The following RB1CC1 variants were observed in gnomAD, a reference collection of about 807,000 sequenced individuals.
The protein encoded by RB1CC1 is RB1-inducible coiled-coil protein 1.
A neutral mutation model predicts 177.5 loss-of-function variants in RB1CC1; 46 were observed. The observed-to-expected ratio is 0.26, with a 90% CI of 0.20 to 0.33. The LOEUF is 0.33. Among genes scored for constraint, RB1CC1 ranks in the 10% least tolerant of loss-of-function variants. RB1CC1 has a pLI of 1.00. For synonymous variants in RB1CC1, 666 were observed against 613.6 expected (o/e 1.09, Z -1.26); for missense variants, 1,703 against 1,816.3 (o/e 0.94, Z 1.13).
In RB1CC1 at chr8:52,658,900, CA is replaced by C; in HGVS notation, c.1765del (p.Cys589ValfsTer31). On this transcript the variant is annotated frameshift_variant, in exon 13 of 24. Transcript: ENST00000025008. LOFTEE classifies it high-confidence loss of function. ...LKDLQFLQSF[C>X]PSEVQPFLRV... ...GAGGAATGGCTGAACTTCCGAAGGACAAAATGATTGCAGAAACTGTAAATCT... is the reference window on the plus strand; with the variant it reads ...GAGGAATGGCTGAACTTCCGAAGGACAAATGATTGCAGAAACTGTAAATCT... The C allele has an allele frequency of 6.3e-7, 1 of 1,584,532 alleles. No homozygotes were observed. Among genetic ancestry groups the C allele is most frequent in the South Asian group, 1.2e-5 (1 of 84,734 alleles).
At chr8:52,685,347 C>A in intron 3 of RB1CC1, 52 bp downstream of exon 3, 1 of 1,323,390 alleles carries the variant, frequency 7.6e-7, no homozygotes, top group East Asian at 2.3e-5. Context: ...ATTTCTTTAA[C>A]TTTCTGCATG....
At chr8:52,706,247 C>T (rs1055860602) in intron 1 of RB1CC1, among the ~76,000 whole-genome samples, 8 of 152,020 alleles carry the variant, frequency 5.3e-5, no homozygotes, top group Middle Eastern at 3.2e-3. Context: ...AAGATTCCCA[C>T]CAGCCTTCCC....
chr8:52,695,859 T>C (rs1021759325), intron 1 of RB1CC1, among the ~76,000 whole-genome samples: 6 of 152,214 alleles, frequency 3.9e-5, no homozygotes, highest in Non-Finnish European at 8.8e-5. Context: ...TTCCCTGACC[T>C]GTTCCAGTGA....
chr8:52,661,769 G>A (rs1478589332), intron 8 of RB1CC1, 50 bp from the exon 9 acceptor site: 1 of 1,361,214 alleles, frequency 7.3e-7, no homozygotes, highest in Non-Finnish European at 9.8e-7. Flanking sequence ...TTCATGAAAG[G>A]TATGGACATT....
chr8:52,658,027 T>C lies in RB1CC1; in HGVS notation c.1891A>G (p.Thr631Ala). ...TGTTCACTCAGTAGATCTGTAATGG[T>C]CTGTGACATTTCATCCAAACTTTGT... ...AAQSLDEMSQ[T>A]ITDLLSEQKA... is the part of the protein sequence containing the mutation. Residue 631 changes from threonine (T) to alanine (A), a missense_variant, in exon 14 of 24, where the codon ACC becomes GCC. Physicochemically the swap from Thr to Ala is moderately conservative, Grantham distance 58 (BLOSUM62 0). Transcript: ENST00000025008. The C allele has an allele frequency of 6.2e-7, 1 of 1,614,102 alleles. No individual in the cohort carries two copies. Among genetic ancestry groups the C allele is most frequent in the Non-Finnish European group, 8.5e-7 (1 of 1,179,998 alleles).
chr8:52,685,980 A>C (rs1232582795), intron 2 of RB1CC1: 1 of 152,278 alleles, frequency 6.6e-6, no homozygotes, highest in East Asian at 1.9e-4. Flanking sequence ...ATTAGGGGAA[A>C]TGAATCCCAA....
intron 15 of RB1CC1, among the ~76,000 whole-genome samples, chr8:52,648,498 G>C (rs1350367223): frequency 6.6e-6 from 1 of 152,134 alleles, no homozygotes; most frequent in African/African-American, 2.4e-5. Flanking sequence ...CTTTCTATGG[G>C]GAGCAAGAAG....
chr8:52,630,082 T>C lies in RB1CC1; in HGVS notation c.4499+388A>G, dbSNP rs185463558. ...TTGTTTATTATGAATTTGTAGAATA[T>C]TAATAAAATGAAATCTAAAAACTAA... is the stretch of plus-strand genomic sequence containing the variant. On this transcript the variant is annotated intron_variant, in intron 21 of 23. Transcript: ENST00000025008. Among the ~76,000 whole-genome samples the C allele has an allele frequency of 2.8e-3, 426 of 152,160 alleles. 1 individual carries two copies. Among genetic ancestry groups the C allele is most frequent in the Non-Finnish European group, 4.5e-3 (306 of 68,010 alleles).
At chr8:52,647,527 G>GA (rs1229630389) in intron 15 of RB1CC1, among the ~76,000 whole-genome samples, 1 of 152,134 alleles carries the variant, frequency 6.6e-6, no homozygotes, top group African/African-American at 2.4e-5. Context: ...AACACAAAGA[G>GA]ACTTACAAAG....
At chr8:52,668,499 A>G (rs1322915509) in intron 7 of RB1CC1, among the ~76,000 whole-genome samples, 1 of 152,210 alleles carries the variant, frequency 6.6e-6, no homozygotes, top group African/African-American at 2.4e-5. Context: ...TGTCAGCATA[A>G]TATCATTAAT....
chr8:52,663,354 G>T (rs1591014824), intron 8 of RB1CC1, among the ~76,000 whole-genome samples: 1 of 145,028 alleles, frequency 6.9e-6, no homozygotes, highest in East Asian at 2.0e-4. Flanking sequence ...GGTGAGTGAG[G>T]TTTTTTTTTT....
chr8:52,674,172 T>C lies in RB1CC1; in HGVS notation c.675A>G (p.Glu225=). 6.2e-7 allele frequency: 1 copy of C among 1,613,450 alleles called. No individual in the cohort carries two copies. The highest frequency in any genetic ancestry group is 2.2e-5 in the East Asian group (1 of 44,864). The change falls in exon 7 of 24, where the codon GAA becomes GAG. Residue 225 remains glutamate, a synonymous_variant. Coordinates refer to ENST00000025008, the MANE Select transcript of RB1CC1 (RefSeq NM_014781.5). Reference sequence around the variant, plus strand: ...TCTCAGCTTTTTCTGAGTCTTCATGTTCAGGTAAAGAATCCAGTCTTCCCA... The same window carrying C: ...TCTCAGCTTTTTCTGAGTCTTCATGCTCAGGTAAAGAATCCAGTCTTCCCA... ...ECLGRLDSLP[E]HEDSEKAEMK...
At chr8:52,659,405 G>C (rs1851402798) in intron 12 of RB1CC1, among the ~76,000 whole-genome samples, 1 of 151,708 alleles carries the variant, frequency 6.6e-6, no homozygotes, top group Non-Finnish European at 1.5e-5. Context: ...ATTTGCTTTT[G>C]CCTTGACTTT....
chr8:52,635,033 A>T, intron 19 of RB1CC1, 65 bp from the exon 20 acceptor site: 1 of 1,420,400 alleles, frequency 7.0e-7, no homozygotes, highest in Non-Finnish European at 9.7e-7. Flanking sequence ...CTAAACAGTG[A>T]TTGTCAAAGT....
chr8:52,708,613 T>C (rs1856794483), intron 1 of RB1CC1, among the ~76,000 whole-genome samples: 1 of 152,208 alleles, frequency 6.6e-6, no homozygotes, highest in South Asian at 2.1e-4. Flanking sequence ...ATAGTATTCT[T>C]TCTCCTTTCT....
chr8:52,623,655 C>G lies in RB1CC1; in HGVS notation c.*127G>C. ...CCAGTTAAAAAGTAAACGATGTACA[C>G]CAGTGAAGTATATTGTCACGCTGAC... On this transcript the variant is annotated 3_prime_UTR_variant, in exon 24 of 24. Transcript: ENST00000025008. 1.4e-6 allele frequency: 1 copy of G among 703,940 alleles called. No individual in the cohort carries two copies. The highest frequency in any genetic ancestry group is 2.6e-6 in the Non-Finnish European group (1 of 381,462). 43.6% of individuals were successfully genotyped at this position (703,940 alleles called of 1,614,324 possible). A position where few individuals can be genotyped will look rare whatever the true frequency, so the allele number is the denominator to read the frequency against.
At chr8:52,709,872 T>A (rs997520411) in intron 1 of RB1CC1, among the ~76,000 whole-genome samples, 1 of 152,216 alleles carries the variant, frequency 6.6e-6, no homozygotes, top group Non-Finnish European at 1.5e-5. Context: ...TTTGGGGGCA[T>A]CTAAACATAA....
intron 1 of RB1CC1, among the ~76,000 whole-genome samples, chr8:52,712,739 T>C (rs902156652): frequency 3.3e-5 from 5 of 152,166 alleles, no homozygotes; most frequent in Admixed American, 6.5e-5. Flanking sequence ...CATAAAACTT[T>C]ATCCAGGTTT....
chr8:52,683,304 T>C (rs1853938966), intron 5 of RB1CC1, among the ~76,000 whole-genome samples: 1 of 152,184 alleles, frequency 6.6e-6, no homozygotes, highest in South Asian at 2.1e-4. Context: ...ACATATTATC[T>C]AGGAAAGAAG....
Sources: allele counts gnomAD v4.1 joint callset (sites outside exome capture counted in the v4.1 genomes callset), GRCh38; gene constraint gnomAD v4.1.1; transcripts MANE v1.5; gene names NCBI Gene and HGNC (gene_info 2026-07-23, HGNC 2026-07-21).